The following BTBD10 variants were observed in gnomAD, a reference collection of about 807,000 sequenced individuals.
The protein encoded by BTBD10 is BTB domain containing 10.
Under a neutral mutation model 53.2 loss-of-function variants are expected in BTBD10, and 21 were observed. The observed-to-expected ratio is 0.39, with a 90% CI of 0.28 to 0.57. BTBD10 has a LOEUF of 0.57. Among genes scored for constraint, BTBD10 ranks in the 20% least tolerant of loss-of-function variants. The pLI is 0.53. For synonymous variants in BTBD10, 149 were observed against 192.7 expected, an observed-to-expected ratio of 0.77 and a Z score of 1.88; for missense variants, 360 against 594.7, an observed-to-expected ratio of 0.61 and a Z score of 4.10.
chr11:13,437,212 A>G (rs1482740471), intron 2 of BTBD10, among the ~76,000 whole-genome samples: 1 of 152,218 alleles, frequency 6.6e-6, no homozygotes, highest in African/African-American at 2.4e-5. Flanking sequence ...CTACTCTTCC[A>G]TTAATTGAAA....
intron 2 of BTBD10, among the ~76,000 whole-genome samples, chr11:13,430,027 G>T (rs1381502283): frequency 6.6e-6 from 1 of 152,006 alleles, no homozygotes. Context: ...TATTGCTTGA[G>T]CCCAGAAGTT....
Position 13,445,189 on chromosome 11 carries a change from A to G in BTBD10, c.-57-8T>C. On this transcript the variant is annotated splice_region_variant and splice_polypyrimidine_tract_variant and intron_variant, in intron 1 of 8. Transcript: ENST00000278174. ...ACATGTAGCACCCATAACCTACATA[A>G]AAGAGCAGTGTTGACCTTTAAATCT... is the stretch of plus-strand genomic sequence containing the variant. 2.6e-6 allele frequency: 3 copies of G among 1,133,584 alleles called. No homozygotes were observed. The highest frequency in any genetic ancestry group is 4.0e-6 in the Non-Finnish European group (3 of 748,992). 70.2% of individuals were successfully genotyped at this position (1,133,584 alleles called of 1,614,324 possible).
chr11:13,412,031 A>C (rs1416758064), intron 6 of BTBD10, among the ~76,000 whole-genome samples: 1 of 152,086 alleles, frequency 6.6e-6, no homozygotes, highest in Non-Finnish European at 1.5e-5. Context: ...AGGTTTCTCC[A>C]TGTTGGTCAG....
chr11:13,454,858 C>A (rs1451663034), intron 1 of BTBD10, among the ~76,000 whole-genome samples: 1 of 151,998 alleles, frequency 6.6e-6, no homozygotes, highest in African/African-American at 2.4e-5. Context: ...AATAAAACTG[C>A]ATGGTATTTC....
intron 2 of BTBD10, among the ~76,000 whole-genome samples, chr11:13,427,165 G>A (rs1001017335): frequency 1.3e-4 from 20 of 152,198 alleles, no homozygotes; most frequent in Admixed American, 9.2e-4. Flanking sequence ...TGCAGTGAGC[G>A]GAGATCGCAC....
intron 5 of BTBD10, among the ~76,000 whole-genome samples, chr11:13,414,485 C>G (rs1326390615): frequency 6.6e-6 from 1 of 152,010 alleles, no homozygotes; most frequent in Non-Finnish European, 1.5e-5. Context: ...GAAACCTTCT[C>G]TACTAAGAAT....
At chr11:13,456,979 G>C (rs1384519583) in intron 1 of BTBD10, among the ~76,000 whole-genome samples, 2 of 152,026 alleles carry the variant, frequency 1.3e-5, no homozygotes, top group Non-Finnish European at 2.9e-5. Context: ...TGGGCAACAT[G>C]GTGAAACCCT....
chr11:13,447,021 T>A (rs1402737362), intron 1 of BTBD10, among the ~76,000 whole-genome samples: 1 of 152,178 alleles, frequency 6.6e-6, no homozygotes, highest in East Asian at 1.9e-4. Flanking sequence ...AATAAAGATG[T>A]AGAGATTTGG....
rs535538297 is a variant in BTBD10 at position 13,411,690 on chromosome 11, T to A, written c.808+1840A>T. Among the ~76,000 whole-genome samples the A allele has an allele frequency of 5.0e-3, 764 of 152,282 alleles. 4 individuals carry two copies. Among genetic ancestry groups the A allele is most frequent in the Non-Finnish European group, 8.6e-3 (588 of 68,016 alleles). On this transcript the variant is annotated intron_variant, in intron 6 of 8. Coordinates refer to ENST00000278174, the MANE Select transcript of BTBD10 (RefSeq NM_032320.7). ...TTGCAGAACTAAGAGATTCACATCA[T>A]CTGTAAAAAATTCTAGTTTTTTTCT... is the stretch of plus-strand genomic sequence containing the variant.
chr11:13,450,392 AAAG>A (rs1265424023), intron 1 of BTBD10, among the ~76,000 whole-genome samples: 13 of 152,312 alleles, frequency 8.5e-5, no homozygotes, highest in Non-Finnish European at 1.5e-4. Flanking sequence ...TACTAACGAC[AAAG>A]AAGGCCTTCA....
chr11:13,438,992 C>T (rs1950597036), intron 2 of BTBD10, among the ~76,000 whole-genome samples: 1 of 151,894 alleles, frequency 6.6e-6, no homozygotes, highest in Admixed American at 6.6e-5. Context: ...TCATGACAAC[C>T]ATAAGATGAC....
chr11:13,404,693 T>C lies in BTBD10; in HGVS notation c.1006+966A>G, dbSNP rs1565235010. 4 of 749,440 alleles carry C rather than the reference T, an allele frequency of 5.3e-6. No individual in the cohort carries two copies. In the African/African-American group the frequency reaches 7.6e-5, roughly 14 times the overall value. 46.4% of individuals were successfully genotyped at this position (749,440 alleles called of 1,614,324 possible). Reference sequence around the variant, plus strand: ...CAACAGAAATGTCTATTACTACAACTATCCACAAAGGAATCACAACACTCA... The same window carrying C: ...CAACAGAAATGTCTATTACTACAACCATCCACAAAGGAATCACAACACTCA... On this transcript the variant is annotated intron_variant, in intron 7 of 8. Coordinates refer to ENST00000278174, the MANE Select transcript of BTBD10 (RefSeq NM_032320.7).
intron 2 of BTBD10, among the ~76,000 whole-genome samples, chr11:13,441,389 A>G (rs1048075676): frequency 1.3e-5 from 2 of 152,140 alleles, no homozygotes; most frequent in African/African-American, 4.8e-5. Flanking sequence ...ACATATCACT[A>G]GGTACCCCAT....
At chr11:13,462,608 AAAC>A (rs1951124169) in intron 1 of BTBD10, 1 of 152,212 alleles carries the variant, frequency 6.6e-6, no homozygotes, top group Non-Finnish European at 1.5e-5. Flanking sequence ...AGTTTTAAGA[AAAC>A]AAAGCTTTAC....
At chr11:13,415,704 C>A (rs1160757468) in intron 5 of BTBD10, among the ~76,000 whole-genome samples, 1 of 151,736 alleles carries the variant, frequency 6.6e-6, no homozygotes, top group Admixed American at 6.6e-5. Flanking sequence ...TAAATATTTT[C>A]TTTTATCTTG....
intron 2 of BTBD10, among the ~76,000 whole-genome samples, chr11:13,427,398 AAAGAT>A (rs1950361166): frequency 6.6e-6 from 1 of 152,190 alleles, no homozygotes; most frequent in South Asian, 2.1e-4. Context: ...TGTATTTCAT[AAAGAT>A]AAGGGGGTTA....
chr11:13,402,451 T>G (rs1267730845), intron 8 of BTBD10, among the ~76,000 whole-genome samples: 2 of 152,216 alleles, frequency 1.3e-5, no homozygotes, highest in East Asian at 3.9e-4. Context: ...ACAGAATTTT[T>G]AAGTGCCTTG....
At chr11:13,452,823 C>G (rs1038073013) in intron 1 of BTBD10, among the ~76,000 whole-genome samples, 2 of 152,114 alleles carry the variant, frequency 1.3e-5, no homozygotes, top group Non-Finnish European at 2.9e-5. Flanking sequence ...TTATTTTAAC[C>G]ATCAAACTGT....
intron 8 of BTBD10, among the ~76,000 whole-genome samples, chr11:13,397,244 T>C (rs1285098065): frequency 1.3e-5 from 2 of 152,232 alleles, no homozygotes; most frequent in Admixed American, 6.5e-5. Context: ...ATTCAGAGAT[T>C]CAACTTCTTC....
Sources: allele counts gnomAD v4.1 joint callset (sites outside exome capture counted in the v4.1 genomes callset), GRCh38; gene constraint gnomAD v4.1.1; transcripts MANE v1.5; gene names NCBI Gene and HGNC (gene_info 2026-07-23, HGNC 2026-07-21).